Variants in COP1 observed in about 807,000 individuals in gnomAD.
The protein encoded by COP1 is E3 ubiquitin-protein ligase COP1.
A neutral mutation model predicts 101.3 loss-of-function variants in COP1; 24 were observed. The ratio of observed to expected loss-of-function variants is 0.24; its 90% CI spans 0.17 to 0.33. The LOEUF (loss-of-function observed/expected upper bound fraction) is 0.33, where lower values mean the gene tolerates loss of function less well. Among genes scored for constraint, COP1 ranks in the 10% least tolerant of loss-of-function variants. COP1 has a pLI of 1.00. For missense variants in COP1, 663 were observed against 906.2 expected (o/e 0.73, Z 3.45); for synonymous variants, 347 against 341.9 (o/e 1.01, Z -0.17).
intron 14 of COP1, among the ~76,000 whole-genome samples, chr1:176,042,632 G>A (rs1255030449): frequency 6.7e-6 from 1 of 148,670 alleles, no homozygotes; most frequent in Non-Finnish European, 1.5e-5. Flanking sequence ...ATGGGAGGCT[G>A]AGGTAGGAGA....
At chr1:176,088,098 C>A (rs1268582690) in intron 9 of COP1, among the ~76,000 whole-genome samples, 2 of 152,064 alleles carry the variant, frequency 1.3e-5, no homozygotes, top group Non-Finnish European at 2.9e-5. Flanking sequence ...ACACCAGGGT[C>A]TGTCATGGGG....
intron 6 of COP1, among the ~76,000 whole-genome samples, chr1:176,147,808 A>G (rs1341712911): frequency 1.3e-5 from 2 of 152,210 alleles, no homozygotes; most frequent in Admixed American, 6.5e-5. Flanking sequence ...TTAATGTTGG[A>G]AAGGAATTCT....
At chr1:175,959,757 A>G (rs1036702754) in intron 18 of COP1, among the ~76,000 whole-genome samples, 4 of 152,156 alleles carry the variant, frequency 2.6e-5, no homozygotes, top group African/African-American at 9.6e-5. Context: ...GAGTAGGGGA[A>G]AACTGAGTGT....
At chr1:175,995,533 A>G (rs1434828694) in intron 15 of COP1, among the ~76,000 whole-genome samples, 1 of 152,228 alleles carries the variant, frequency 6.6e-6, no homozygotes, top group Non-Finnish European at 1.5e-5. Flanking sequence ...GAGAAGAATC[A>G]AATAGATGCA....
chr1:175,991,968 A>G (rs184289797), intron 15 of COP1, among the ~76,000 whole-genome samples: 61 of 152,354 alleles, frequency 4.0e-4, no homozygotes, highest in East Asian at 1.7e-3. Flanking sequence ...TAAGAAGTAC[A>G]GTCTATAATA....
intron 11 of COP1, among the ~76,000 whole-genome samples, chr1:176,053,657 C>T (rs1408221461): frequency 6.6e-6 from 1 of 152,166 alleles, no homozygotes; most frequent in Non-Finnish European, 1.5e-5. Flanking sequence ...TGACATAACA[C>T]TTTCTGACAA....
chr1:176,034,612 A>C (rs1236590554), intron 14 of COP1, among the ~76,000 whole-genome samples: 1 of 152,166 alleles, frequency 6.6e-6, no homozygotes, highest in East Asian at 1.9e-4. Context: ...CTGGGAGATA[A>C]AGAGTCGGGG....
rs538798224 is a variant in COP1, at chr1:176,203,315, C to T, written c.407+3257G>A. Among the ~76,000 whole-genome samples, 463 of 152,084 alleles carry T rather than the reference C, an allele frequency of 3.0e-3. 2 individuals are homozygous for T. Among genetic ancestry groups the T allele is most frequent in the African/African-American group, 0.011 (437 of 41,486 alleles). On this transcript the variant is annotated intron_variant, in intron 1 of 19. Transcript: ENST00000367669. Reference sequence around the variant, plus strand: ...TCGCACCACTGCACTCCAGCCTGGGCAGCAGAGCGAGACTCCGTCTCAAAA... The same window carrying T: ...TCGCACCACTGCACTCCAGCCTGGGTAGCAGAGCGAGACTCCGTCTCAAAA...
chr1:175,957,463 G>A (rs1650799855), intron 18 of COP1, among the ~76,000 whole-genome samples: 1 of 152,178 alleles, frequency 6.6e-6, no homozygotes, highest in Non-Finnish European at 1.5e-5. Context: ...ATACCACATA[G>A]CTAAGGTATG....
intron 15 of COP1, among the ~76,000 whole-genome samples, chr1:175,990,138 T>C (rs894377462): frequency 1.3e-5 from 2 of 152,092 alleles, no homozygotes; most frequent in African/African-American, 4.8e-5. Flanking sequence ...AATTGTGATA[T>C]GATGTGTTTC....
At chr1:175,989,054 A>G (rs1557856269) in intron 16 of COP1, 1 of 212,918 alleles carries the variant, frequency 4.7e-6, no homozygotes, top group African/African-American at 2.3e-5. Context: ...TCTTCTTTAG[A>G]AGCAATAGCT....
intron 9 of COP1, among the ~76,000 whole-genome samples, chr1:176,096,627 GT>G (rs1263936655): frequency 6.6e-6 from 1 of 152,024 alleles, no homozygotes; most frequent in African/African-American, 2.4e-5. Flanking sequence ...ACTATGAACT[GT>G]TTTTTCTCTA....
intron 11 of COP1, among the ~76,000 whole-genome samples, chr1:176,079,621 C>A (rs899287278): frequency 2.0e-5 from 3 of 150,664 alleles, no homozygotes. Flanking sequence ...TGCTTATGTA[C>A]CCTTTAATCT....
intron 11 of COP1, among the ~76,000 whole-genome samples, chr1:176,047,018 T>C (rs1671638257): frequency 6.6e-6 from 1 of 152,180 alleles, no homozygotes; most frequent in African/African-American, 2.4e-5. Context: ...ATCATTTTTA[T>C]ATAAGCTCCA....
rs535019901 is a variant in COP1, at chr1:175,963,598, T to C, written c.2134-16359A>G. Among the ~76,000 whole-genome samples the C allele has an allele frequency of 2.0e-5, 3 of 152,294 alleles. No individual in the cohort carries two copies. The South Asian group carries it at 6.2e-4, about 32-fold the overall frequency. ...TGATGATGATGATTTTAAATTAAGA[T>C]AGCACTTAGTATACTGCCTGGTTGG... is the stretch of plus-strand genomic sequence containing the variant. On this transcript the variant is annotated intron_variant, in intron 18 of 19. Coordinates refer to ENST00000367669, the MANE Select transcript of COP1 (RefSeq NM_022457.7).
chr1:175,976,104 T>A (rs555037233), intron 18 of COP1, among the ~76,000 whole-genome samples: 1 of 152,056 alleles, frequency 6.6e-6, no homozygotes, highest in East Asian at 1.9e-4. Context: ...AACAAAAAAC[T>A]TTGAGAAAAT....
At chr1:176,156,714 T>C (rs559602560) in intron 5 of COP1, among the ~76,000 whole-genome samples, 1 of 152,196 alleles carries the variant, frequency 6.6e-6, no homozygotes, top group South Asian at 2.1e-4. Flanking sequence ...ATCCATTTCA[T>C]AATAATAATA....
intron 12 of COP1, among the ~76,000 whole-genome samples, chr1:176,044,187 T>A (rs1353123379): frequency 3.9e-5 from 6 of 152,314 alleles, no homozygotes; most frequent in African/African-American, 1.4e-4. Context: ...TGAGACTGTT[T>A]AACCCCCTGG....
chr1:175,961,331 C>T lies in COP1; in HGVS notation c.2134-14092G>A, dbSNP rs565445391. Reference sequence around the variant, plus strand: ...ATTGATTCACAGAGAGAATAACTTTCAATCATCACAGTCGTTTCATTATAC... The same window carrying T: ...ATTGATTCACAGAGAGAATAACTTTTAATCATCACAGTCGTTTCATTATAC... On this transcript the variant is annotated intron_variant, in intron 18 of 19. Coordinates refer to ENST00000367669, the MANE Select transcript of COP1 (RefSeq NM_022457.7). 2.6e-5 allele frequency among the ~76,000 whole-genome samples: 4 copies of T among 152,278 alleles called. No homozygotes were observed. The Middle Eastern group carries it at 0.01, about 388-fold the overall frequency.
Sources: allele counts gnomAD v4.1 joint callset (sites outside exome capture counted in the v4.1 genomes callset), GRCh38; gene constraint gnomAD v4.1.1; transcripts MANE v1.5; gene names NCBI Gene and HGNC (gene_info 2026-07-23, HGNC 2026-07-21).